Variants in FUCA1 observed in about 807,000 individuals in gnomAD.
FUCA1 encodes tissue alpha-L-fucosidase.
FUCA1 carries 52 observed loss-of-function variants against 56.8 expected under a neutral mutation model. That is an observed-to-expected ratio of 0.92 (90% CI 0.73 to 1.15). The LOEUF is 1.15. FUCA1 is among the 50% of genes most tolerant of loss of function. The probability of loss-of-function intolerance (pLI) is 0.00; values close to 1 mark genes in which losing one functional copy is unlikely to be tolerated. For missense variants in FUCA1, 568 were observed against 592.6 expected (o/e 0.96, Z 0.43); for synonymous variants, 230 against 226.6 (o/e 1.02, Z -0.14).
At position 23,860,698 on chromosome 1, in the gene FUCA1, C is replaced by T. The variant is rs181549106; in HGVS notation, c.663-795G>A. Among the ~76,000 whole-genome samples, 28 of 148,872 alleles carry T rather than the reference C, an allele frequency of 1.9e-4. 1 individual carries two copies. Among genetic ancestry groups the T allele is most frequent in the African/African-American group, 6.9e-4 (28 of 40,458 alleles). ...TTGTCTCCCAGGCTGGAGTGCAGTG[C>T]TGTGATCTCGGCTCACTGCAACCTT... is the stretch of plus-strand genomic sequence containing the variant. On this transcript the variant is annotated intron_variant, in intron 3 of 7. Coordinates refer to ENST00000374479, the MANE Select transcript of FUCA1 (RefSeq NM_000147.5).
intron 7 of FUCA1, 79 bp downstream of exon 7, chr1:23,845,995 T>C (rs1255616234): frequency 5.3e-6 from 8 of 1,509,328 alleles, no homozygotes; most frequent in Non-Finnish European, 7.4e-6. Context: ...GGGAGAAACC[T>C]GGCAGGGAAG....
In FUCA1 at chr1:23,868,161, C is replaced by T. The variant is rs1440402501; in HGVS notation, c.126G>A (p.Pro42=). ...CCGGCAGCGGCCGAGAATCCAGGCT[C>T]GGCCAGTCTGGGGTGTAGCGGCGCG... ...QPPRRYTPDW[P]SLDSRPLPAW... The change falls in exon 1 of 8, where the codon CCG becomes CCA. Residue 42 remains proline (P), a synonymous_variant. Coordinates refer to ENST00000374479, the MANE Select transcript of FUCA1 (RefSeq NM_000147.5). The T allele has an allele frequency of 6.2e-7, 1 of 1,609,192 alleles. No homozygotes were observed. Among genetic ancestry groups the T allele is most frequent in the South Asian group, 1.1e-5 (1 of 90,588 alleles).
At position 23,845,818 on chromosome 1, in the gene FUCA1, GACC is replaced by G. The variant is rs1311767379; in HGVS notation, c.1295_1297del (p.Trp432del). 6.2e-7 allele frequency: 1 copy of G among 1,614,000 alleles called. No individual in the cohort carries two copies. The highest frequency in any genetic ancestry group is 2.2e-5 in the East Asian group (1 of 44,896). On this transcript the variant is annotated inframe_deletion, in exon 8 of 8. Transcript: ENST00000374479. ...GAAGAGACCTTTATCTGGATCTGTG[GACC>G]ACTTCAGATCTCCTTGAATTCCCAG...
At chr1:23,852,844 C>T (rs367870094) in intron 5 of FUCA1, among the ~76,000 whole-genome samples, 40,166 of 151,124 alleles carry the variant, frequency 0.27, 5,786 homozygotes, top group Non-Finnish European at 0.33. Flanking sequence ...ACCTCCCAGC[C>T]GCCTGCCTTG....
At chr1:23,861,322 C>CAAAAAAAAAAAAAAAAA (rs34240712) in intron 3 of FUCA1, among the ~76,000 whole-genome samples, 1 of 60,512 alleles carries the variant, frequency 1.7e-5, no homozygotes, top group Non-Finnish European at 3.2e-5. Context: ...GACTCCGTCT[C>CAAAAAAAAAAAAAAAAA]AAAAAAAAAA....
intron 6 of FUCA1, 55 bp downstream of exon 6, chr1:23,848,594 C>T (rs1639188824): frequency 3.2e-6 from 5 of 1,543,616 alleles, no homozygotes; most frequent in Admixed American, 1.7e-5. Context: ...AAGGAGATAC[C>T]AGTTCCGGAT....
At position 23,845,436 on chromosome 1, in the gene FUCA1, T is replaced by C. The variant is rs1570670081; in HGVS notation, c.*279A>G. 3 of 469,992 alleles carry C rather than the reference T, an allele frequency of 6.4e-6. No homozygotes were observed. Among genetic ancestry groups the C allele is most frequent in the Non-Finnish European group, 1.2e-5 (3 of 256,658 alleles). The allele number at this position is 469,992 out of a possible 1,614,324, so 29.1% of individuals were successfully genotyped here. A position where few individuals can be genotyped will look rare whatever the true frequency, so the allele number is the denominator to read the frequency against. On this transcript the variant is annotated 3_prime_UTR_variant, in exon 8 of 8. Coordinates refer to ENST00000374479, the MANE Select transcript of FUCA1 (RefSeq NM_000147.5). The stretch of plus-strand genomic sequence containing the variant: ...ATCAGAGAACAGAGGGAAGATTCCA[T>C]TGTAGATAATTTCCAAATATTACAA...
At chr1:23,855,546 G>A (rs542729518) in intron 4 of FUCA1, among the ~76,000 whole-genome samples, 7 of 152,250 alleles carry the variant, frequency 4.6e-5, no homozygotes, top group South Asian at 4.1e-4. Flanking sequence ...AATTCATCAC[G>A]GCAAAAAGAG....
At position 23,845,461 on chromosome 1, in the gene FUCA1, A is replaced by G. The variant is rs1639118458; in HGVS notation, c.*254T>C. ...TTGTAGATAATTTCCAAATATTACA[A>G]TTGATGAACTCAGAGTTCAACTGCT... On this transcript the variant is annotated 3_prime_UTR_variant, in exon 8 of 8. Transcript: ENST00000374479. 9.3e-6 allele frequency: 5 copies of G among 536,760 alleles called. No individual in the cohort carries two copies. The highest frequency in any genetic ancestry group is 1.7e-5 in the Non-Finnish European group (5 of 298,822). The allele number at this position is 536,760 out of a possible 1,614,324, so 33.2% of individuals were successfully genotyped here.
intron 1 of FUCA1, among the ~76,000 whole-genome samples, chr1:23,866,522 T>C (rs891759965): frequency 2.6e-5 from 4 of 152,242 alleles, no homozygotes; most frequent in African/African-American, 9.6e-5. Context: ...GGTTCAATCA[T>C]TGGCCAGAGT....
Position 23,859,779 on chromosome 1 carries a change from A to T in FUCA1, c.768+19T>A, listed in dbSNP as rs1270291858. On this transcript the variant is annotated intron_variant, in intron 4 of 7. Coordinates refer to ENST00000374479, the MANE Select transcript of FUCA1 (RefSeq NM_000147.5). The stretch of plus-strand genomic sequence containing the variant: ...TCTTTCTTCATAGGAGATAAATAAG[A>T]AGTCATATAATCACATACCTTGACA... The T allele has an allele frequency of 6.7e-7, 1 of 1,482,720 alleles. No individual in the cohort carries two copies. Among genetic ancestry groups the T allele is most frequent in the Admixed American group, 1.7e-5 (1 of 59,792 alleles). 91.8% of individuals were successfully genotyped at this position (1,482,720 alleles called of 1,614,324 possible).
chr1:23,863,019 T>G, intron 3 of FUCA1, 115 bp downstream of exon 3: 1 of 1,095,108 alleles, frequency 9.1e-7, no homozygotes, highest in Non-Finnish European at 1.4e-6. Context: ...TTTTATTATT[T>G]TGATGTCTTT....
chr1:23,864,297 C>A (rs1355157321), intron 2 of FUCA1, among the ~76,000 whole-genome samples: 5 of 152,024 alleles, frequency 3.3e-5, no homozygotes, highest in Admixed American at 3.3e-4. Context: ...ACTGTGTTAG[C>A]CAGGATGGTC....
At position 23,868,026 on chromosome 1, in the gene FUCA1, C is replaced by A. The variant is rs757234396; in HGVS notation, c.261G>T (p.Pro87=). The change falls in exon 1 of 8, where the codon CCG becomes CCT. Residue 87 remains proline (P), a synonymous_variant. Coordinates refer to ENST00000374479, the MANE Select transcript of FUCA1 (RefSeq NM_000147.5). ...TGTCGCGCATGAAGCGCTGGTACTG[C>A]GGCCGCCCCTCGCCCTGCCAGTGCC... The part of the protein sequence containing the change: ...FWWHWQGEGR[P]QYQRFMRDNY... The A allele has an allele frequency of 6.2e-7, 1 of 1,608,362 alleles. No homozygotes were observed. The highest frequency in any genetic ancestry group is 2.2e-5 in the East Asian group (1 of 44,722).
chr1:23,855,919 G>C (rs1425113307), intron 4 of FUCA1, among the ~76,000 whole-genome samples: 2 of 152,168 alleles, frequency 1.3e-5, no homozygotes, highest in Non-Finnish European at 2.9e-5. Flanking sequence ...GGGTCTCCAA[G>C]GTGAATAAAA....
chr1:23,865,558 A>C lies in FUCA1; in HGVS notation c.457T>G (p.Trp153Gly). ...TNWPSPVSWN[W>G]NSKDVGPHRD... ...TGAGGCCCCACGTCTTTGGAGTTCC[A>C]GTTCCAAGACACAGGACTCGGCCAG... The change falls in exon 2 of 8, where the codon TGG becomes GGG. Residue 153 changes from tryptophan to glycine, a missense_variant. By Grantham distance (184) the Trp-to-Gly change is radical. Transcript: ENST00000374479. 6.2e-7 allele frequency: 1 copy of C among 1,614,206 alleles called. No homozygotes were observed. Among genetic ancestry groups the C allele is most frequent in the Non-Finnish European group, 8.5e-7 (1 of 1,180,044 alleles).
rs547682393 is a variant in FUCA1 at position 23,855,658 on chromosome 1, T to C, written c.769-1098A>G. Among the ~76,000 whole-genome samples the C allele has an allele frequency of 1.1e-4, 17 of 152,316 alleles. 1 individual carries two copies. In the South Asian group the frequency reaches 2.1e-3, roughly 19 times the overall value. The stretch of plus-strand genomic sequence containing the variant: ...AAGCTAGTTAAGTGCCAAAGAGAAA[T>C]AGAAGAATAGTCATTATTTGTAACT... On this transcript the variant is annotated intron_variant, in intron 4 of 7. Transcript: ENST00000374479.
intron 4 of FUCA1, among the ~76,000 whole-genome samples, chr1:23,856,985 C>T (rs1248462366): frequency 1.3e-5 from 2 of 151,124 alleles, no homozygotes; most frequent in African/African-American, 4.9e-5. Context: ...GTGCGAGACT[C>T]CCTCTCAAAA....
intron 7 of FUCA1, 87 bp from the exon 8 acceptor site, chr1:23,845,942 C>T: frequency 6.4e-7 from 1 of 1,567,550 alleles, no homozygotes; most frequent in Non-Finnish European, 8.8e-7. Context: ...AACAGCCACG[C>T]TGGGCCAGGG....
Sources: allele counts gnomAD v4.1 joint callset (sites outside exome capture counted in the v4.1 genomes callset), GRCh38; gene constraint gnomAD v4.1.1; transcripts MANE v1.5; gene names NCBI Gene and HGNC (gene_info 2026-07-23, HGNC 2026-07-21).